Variants in CNTN5 observed in about 807,000 individuals in gnomAD.
CNTN5 encodes contactin 5.
A neutral mutation model predicts 129.1 loss-of-function variants in CNTN5; 77 were observed. The ratio of observed to expected loss-of-function variants is 0.60; its 90% CI spans 0.50 to 0.72. The LOEUF (loss-of-function observed/expected upper bound fraction) is 0.72. CNTN5 is among the 30% of genes least tolerant of loss of function. The pLI, the probability that CNTN5 is intolerant of heterozygous loss-of-function variation, is 0.00. For missense variants in CNTN5, 1,478 were observed against 1,328.8 expected (o/e 1.11, Z -1.75); for synonymous variants, 509 against 465.6 (o/e 1.09, Z -1.20).
intron 2 of CNTN5, among the ~76,000 whole-genome samples, chr11:99,356,196 C>T (rs934121852): frequency 1.3e-5 from 2 of 152,196 alleles, no homozygotes; most frequent in Non-Finnish European, 2.9e-5. Context: ...CCACCCCCCC[C>T]CAACCAAGTT....
intron 4 of CNTN5, among the ~76,000 whole-genome samples, chr11:99,835,735 T>A (rs547082582): frequency 1.3e-5 from 2 of 152,282 alleles, no homozygotes; most frequent in Admixed American, 6.5e-5. Context: ...AAAGCTAATT[T>A]AAAAAACTGG....
At chr11:100,276,920 A>T (rs1021261451) in intron 18 of CNTN5, among the ~76,000 whole-genome samples, 11 of 150,776 alleles carry the variant, frequency 7.3e-5, no homozygotes, top group Non-Finnish European at 1.6e-4. Flanking sequence ...ATTCTTTCTA[A>T]TTTTTTTTTA....
chr11:99,912,087 T>G (rs1481640160), intron 6 of CNTN5, among the ~76,000 whole-genome samples: 1 of 151,862 alleles, frequency 6.6e-6, no homozygotes, highest in Non-Finnish European at 1.5e-5. Flanking sequence ...CTCAAATACT[T>G]TGTGGAACAA....
chr11:99,386,946 T>C (rs1358607197), intron 2 of CNTN5, among the ~76,000 whole-genome samples: 1 of 152,192 alleles, frequency 6.6e-6, no homozygotes, highest in African/African-American at 2.4e-5. Flanking sequence ...ATTTGGCCAA[T>C]TGTTTCTTTG....
intron 1 of CNTN5, among the ~76,000 whole-genome samples, chr11:99,229,110 G>A (rs1860845276): frequency 1.3e-5 from 2 of 151,956 alleles, no homozygotes; most frequent in Non-Finnish European, 2.9e-5. Context: ...TTCCACGTAT[G>A]AAGTGAGCAA....
At chr11:99,190,900 T>C (rs1858606549) in intron 1 of CNTN5, among the ~76,000 whole-genome samples, 1 of 151,642 alleles carries the variant, frequency 6.6e-6, no homozygotes, top group Non-Finnish European at 1.5e-5. Context: ...GTAGTGAGAA[T>C]GGGCATCCTT....
rs554617350 is a variant in CNTN5, at chr11:100,344,567, G to C, written c.3030+3362G>C. On this transcript the variant is annotated intron_variant, in intron 23 of 24. Coordinates refer to ENST00000524871, the MANE Select transcript of CNTN5 (RefSeq NM_014361.4). ...CTATAAGATAGAAGAAATAAGATCT[G>C]GTGTTTGATAGATCAGAAGGGTGAC... Among the ~76,000 whole-genome samples, 12 of 152,074 alleles carry C rather than the reference G, an allele frequency of 7.9e-5. No individual in the cohort carries two copies. In the South Asian group the frequency reaches 2.5e-3, roughly 32 times the overall value.
At chr11:100,055,028 T>TAAAAAA in intron 9 of CNTN5, among the ~76,000 whole-genome samples, 1 of 91,650 alleles carries the variant, frequency 1.1e-5, no homozygotes, top group South Asian at 3.7e-4. Flanking sequence ...AGCCGTAGCC[T>TAAAAAA]AAAAAAAAAA....
intron 7 of CNTN5, among the ~76,000 whole-genome samples, chr11:99,956,119 T>A (rs1238262488): frequency 6.6e-6 from 1 of 152,142 alleles, no homozygotes; most frequent in Non-Finnish European, 1.5e-5. Flanking sequence ...TATGAATGCA[T>A]ATTATTCATT....
chr11:100,333,609 T>A (rs1048407725), intron 21 of CNTN5, among the ~76,000 whole-genome samples: 4 of 151,976 alleles, frequency 2.6e-5, no homozygotes, highest in African/African-American at 9.7e-5. Flanking sequence ...TGGAACAGAA[T>A]AGAGAACCCA....
At chr11:99,291,691 G>T (rs542717741) in intron 1 of CNTN5, among the ~76,000 whole-genome samples, 57 of 152,036 alleles carry the variant, frequency 3.7e-4, no homozygotes, top group Non-Finnish European at 6.5e-4. Context: ...ATAAGAAAAA[G>T]AATTTAGCTG....
Position 99,916,042 on chromosome 11 carries a change from T to C in CNTN5, c.578-12T>C, listed in dbSNP as rs777516422. ...TTCTGCCTTGGATCTAAATGTTTTA[T>C]TATGTTGACAGATCTGGGAAATTTT... On this transcript the variant is annotated splice_polypyrimidine_tract_variant and intron_variant, in intron 6 of 24. Coordinates refer to ENST00000524871, the MANE Select transcript of CNTN5 (RefSeq NM_014361.4). The C allele has an allele frequency of 5.6e-6, 9 of 1,601,902 alleles. No individual in the cohort carries two copies. Among genetic ancestry groups the C allele is most frequent in the Non-Finnish European group, 7.7e-6 (9 of 1,171,328 alleles).
intron 9 of CNTN5, among the ~76,000 whole-genome samples, chr11:100,019,678 G>C (rs1941024606): frequency 6.6e-6 from 1 of 151,930 alleles, no homozygotes; most frequent in South Asian, 2.1e-4. Context: ...TTAAAATGCT[G>C]ATTTCAATTC....
At chr11:100,055,939 T>C (rs1370014165) in intron 9 of CNTN5, among the ~76,000 whole-genome samples, 2 of 151,590 alleles carry the variant, frequency 1.3e-5, no homozygotes, top group Non-Finnish European at 3.0e-5. Context: ...ACTACATGTC[T>C]ACTAACTGAT....
At chr11:99,474,152 G>GT (rs1361270899) in intron 2 of CNTN5, among the ~76,000 whole-genome samples, 4 of 151,958 alleles carry the variant, frequency 2.6e-5, no homozygotes, top group African/African-American at 9.7e-5. Flanking sequence ...TAATTCAAGT[G>GT]TAAGATTCTA....
At chr11:99,145,977 C>G (rs1450148141) in intron 1 of CNTN5, among the ~76,000 whole-genome samples, 1 of 151,688 alleles carries the variant, frequency 6.6e-6, no homozygotes, top group African/African-American at 2.4e-5. Context: ...TTAGGTAGGC[C>G]ATTTCTTTTC....
chr11:99,499,077 T>C (rs1946333835), intron 2 of CNTN5, among the ~76,000 whole-genome samples: 1 of 152,134 alleles, frequency 6.6e-6, no homozygotes, highest in Admixed American at 6.5e-5. Context: ...TCAAAAGCAT[T>C]TTATCAGATA....
At chr11:99,332,337 G>A (rs12575878) in intron 2 of CNTN5, among the ~76,000 whole-genome samples, 6,033 of 151,920 alleles carry the variant, frequency 0.04, 222 homozygotes, top group East Asian at 0.17. Context: ...GAAACATGCT[G>A]CATAATAACT....
chr11:99,331,325 AAAATT>A (rs1591532684), intron 2 of CNTN5, among the ~76,000 whole-genome samples: 1 of 152,120 alleles, frequency 6.6e-6, no homozygotes, highest in African/African-American at 2.4e-5. Context: ...TTACTCATCA[AAAATT>A]AAAATAAGAT....
Sources: gnomAD v4.1 joint callset for allele counts (sites outside exome capture counted in the v4.1 genomes callset) on GRCh38, gnomAD v4.1.1 for gene constraint, MANE v1.5 for transcripts, NCBI Gene and HGNC (gene_info 2026-07-23, HGNC 2026-07-21) for gene names.